Variants in SMOC2 observed in about 807,000 individuals in gnomAD.
The protein encoded by SMOC2 is SPARC related modular calcium binding 2.
A neutral mutation model predicts 61.4 loss-of-function variants in SMOC2; 39 were observed. That is an observed-to-expected ratio of 0.64 (90% CI 0.49 to 0.83). SMOC2 has a LOEUF of 0.83. Ranked by LOEUF, SMOC2 falls within the 40% of genes least tolerant of loss-of-function variation. The probability of loss-of-function intolerance (pLI) is 0.00; values close to 1 mark genes in which losing one functional copy is unlikely to be tolerated. For synonymous variants in SMOC2, 247 were observed against 239.9 expected (o/e 1.03, Z -0.27); for missense variants, 556 against 592.9 (o/e 0.94, Z 0.65).
intron 4 of SMOC2, among the ~76,000 whole-genome samples, chr6:168,538,407 T>TG (rs1399288455): frequency 1.0e-5 from 1 of 98,152 alleles, no homozygotes. Context: ...TGCTGGCATG[T>TG]AGGGGAGTGG....
At chr6:168,534,133 A>G (rs1030204760) in intron 4 of SMOC2, among the ~76,000 whole-genome samples, 1 of 152,036 alleles carries the variant, frequency 6.6e-6, no homozygotes, top group African/African-American at 2.4e-5. Context: ...AAACTTGTGA[A>G]TTTTTTTCAG....
chr6:168,471,209 C>G (rs73270979), intron 1 of SMOC2, among the ~76,000 whole-genome samples: 5,802 of 152,204 alleles, frequency 0.038, 344 homozygotes, highest in African/African-American at 0.13. Context: ...GAAACTTGAC[C>G]CGTTTATCTC....
chr6:168,534,220 C>T (rs1783681533), intron 4 of SMOC2, among the ~76,000 whole-genome samples: 1 of 152,044 alleles, frequency 6.6e-6, no homozygotes, highest in Non-Finnish European at 1.5e-5. Flanking sequence ...TATTTTACAT[C>T]CATGATGACA....
At chr6:168,626,230 G>A (rs780706959) in intron 9 of SMOC2, among the ~76,000 whole-genome samples, 4 of 152,202 alleles carry the variant, frequency 2.6e-5, no homozygotes, top group Non-Finnish European at 5.9e-5. Context: ...TCCTCGCACA[G>A]ACTCAAGTCC....
intron 8 of SMOC2, among the ~76,000 whole-genome samples, chr6:168,599,266 A>C (rs533718023): frequency 4.5e-5 from 6 of 133,438 alleles, no homozygotes; most frequent in South Asian, 2.6e-4. Context: ...ACCCACACAC[A>C]CCCACGCTCT....
At chr6:168,599,581 A>ACACACACACCCACACACACATACCCC (rs1785466245) in intron 8 of SMOC2, among the ~76,000 whole-genome samples, 1 of 31,626 alleles carries the variant, frequency 3.2e-5, no homozygotes, top group Non-Finnish European at 4.9e-5. Context: ...CACTCATACC[A>ACACACACACCCACACACACATACCCC]CACACACCCA....
In SMOC2 at chr6:168,517,129, G is replaced by A. The variant is rs185189943; in HGVS notation, c.256+7043G>A. Among the ~76,000 whole-genome samples, 109 of 152,310 alleles carry A rather than the reference G, an allele frequency of 7.2e-4. 1 individual carries two copies. In the East Asian group the frequency reaches 0.02, roughly 28 times the overall value. On this transcript the variant is annotated intron_variant, in intron 2 of 12. Transcript: ENST00000356284. ...TCGCTGTGCCGTGACAAGGCGTTTC[G>A]TGTCAGCGCTTCCCTGGAAAAGCTC...
intron 7 of SMOC2, among the ~76,000 whole-genome samples, chr6:168,584,941 T>C (rs535727752): frequency 1.3e-5 from 2 of 152,278 alleles, no homozygotes; most frequent in South Asian, 4.1e-4. Context: ...GCAACTGCTC[T>C]TTTGATTCCA....
chr6:168,585,372 G>A (rs1192606545), intron 7 of SMOC2, among the ~76,000 whole-genome samples: 2 of 152,122 alleles, frequency 1.3e-5, no homozygotes, highest in African/African-American at 4.8e-5. Context: ...TCCTCACTGC[G>A]TGCATTACCC....
chr6:168,627,558 A>G lies in SMOC2; in HGVS notation c.907+19319A>G, dbSNP rs116497885. Reference sequence around the variant, plus strand: ...ATCCAGTGACTCTGGTAGTTGCTCAATGTGATCCAATTCAAACAAGAAATC... The same window carrying G: ...ATCCAGTGACTCTGGTAGTTGCTCAGTGTGATCCAATTCAAACAAGAAATC... On this transcript the variant is annotated intron_variant, in intron 9 of 12. Transcript: ENST00000356284. 6.0e-3 allele frequency among the ~76,000 whole-genome samples: 910 copies of G among 152,334 alleles called. 13 individuals carry two copies. The highest frequency in any genetic ancestry group is 0.02 in the African/African-American group (831 of 41,572).
At chr6:168,571,148 T>G (rs1405102980) in intron 7 of SMOC2, among the ~76,000 whole-genome samples, 1 of 152,244 alleles carries the variant, frequency 6.6e-6, no homozygotes, top group African/African-American at 2.4e-5. Context: ...TTGGTTCTGC[T>G]GAGGTGCAAG....
chr6:168,451,145 A>T (rs1409675369), intron 1 of SMOC2, among the ~76,000 whole-genome samples: 1 of 152,030 alleles, frequency 6.6e-6, no homozygotes, highest in African/African-American at 2.4e-5. Context: ...AGCCCAGGAG[A>T]GCTGAATACT....
intron 2 of SMOC2, among the ~76,000 whole-genome samples, chr6:168,516,974 C>T (rs529111159): frequency 6.6e-6 from 1 of 152,214 alleles, no homozygotes; most frequent in South Asian, 2.1e-4. Context: ...GTTACTGCCA[C>T]GATGAGGTTT....
At chr6:168,616,955 G>T (rs1428418839) in intron 9 of SMOC2, among the ~76,000 whole-genome samples, 1 of 152,224 alleles carries the variant, frequency 6.6e-6, no homozygotes, top group South Asian at 2.1e-4. Context: ...GGACACAGGT[G>T]AAGTGAGCGT....
rs1346770030 is a variant in SMOC2, at chr6:168,599,544, A to T, written c.824+540A>T. Among the ~76,000 whole-genome samples the T allele has an allele frequency of 1.6e-3, 46 of 27,908 alleles. 1 individual carries two copies. Among genetic ancestry groups the T allele is most frequent in the South Asian group, 3.1e-3 (3 of 956 alleles). 18.3% of individuals were successfully genotyped at this position (27,908 alleles called of 152,430 possible). A position where few individuals can be genotyped will look rare whatever the true frequency, so the allele number is the denominator to read the frequency against. On this transcript the variant is annotated intron_variant, in intron 8 of 12. Coordinates refer to ENST00000356284, the MANE Select transcript of SMOC2 (RefSeq NM_001166412.2). ...CTCATACCCCCACACACCCACTCAC[A>T]CACACTCATACCCCCATACACACCC...
At chr6:168,563,751 C>T (rs1441879996) in intron 7 of SMOC2, among the ~76,000 whole-genome samples, 2 of 152,186 alleles carry the variant, frequency 1.3e-5, no homozygotes, top group African/African-American at 2.4e-5. Flanking sequence ...CTGCCAGAAC[C>T]TTGATCTTGA....
intron 9 of SMOC2, among the ~76,000 whole-genome samples, chr6:168,629,891 A>G (rs1233216651): frequency 5.9e-5 from 9 of 152,202 alleles, no homozygotes; most frequent in South Asian, 2.1e-4. Flanking sequence ...TCCTTTTGCC[A>G]TCTTACTTAC....
rs533266367 is a variant in SMOC2 at position 168,663,460 on chromosome 6, G to A, written c.1286-614G>A. Among the ~76,000 whole-genome samples the A allele has an allele frequency of 3.9e-5, 6 of 152,350 alleles. No homozygotes were observed. In the South Asian group the frequency reaches 1.2e-3, roughly 32 times the overall value. On this transcript the variant is annotated intron_variant, in intron 11 of 12. Coordinates refer to ENST00000356284, the MANE Select transcript of SMOC2 (RefSeq NM_001166412.2). ...ATGGCTTCACTTCCGGCACCCCAGG[G>A]ACGTGAATCCCCCGCCTTCTGGGGA...
At chr6:168,517,882 CCCAGCT>C (rs1278098872) in intron 2 of SMOC2, among the ~76,000 whole-genome samples, 1 of 152,204 alleles carries the variant, frequency 6.6e-6, no homozygotes, top group Non-Finnish European at 1.5e-5. Context: ...CGATGCCCAG[CCCAGCT>C]CCAGACTCTC....
Sources: allele counts gnomAD v4.1 joint callset (sites outside exome capture counted in the v4.1 genomes callset), GRCh38; gene constraint gnomAD v4.1.1; transcripts MANE v1.5; gene names NCBI Gene and HGNC (gene_info 2026-07-23, HGNC 2026-07-21).